The following ADGRG6 variants were observed in gnomAD, a reference collection of about 807,000 sequenced individuals.
The protein encoded by ADGRG6 is G-protein coupled receptor 126.
ADGRG6 carries 84 observed loss-of-function variants against 142.4 expected under a neutral mutation model. The observed-to-expected ratio is 0.59, with a 90% CI of 0.49 to 0.71. ADGRG6 has a LOEUF of 0.71. Among genes scored for constraint, ADGRG6 ranks in the 30% least tolerant of loss-of-function variants. The pLI, the probability that ADGRG6 is intolerant of heterozygous loss-of-function variation, is 0.00. For synonymous variants in ADGRG6, 521 were observed against 520.5 expected, an observed-to-expected ratio of 1.00 and a Z score of -0.01; for missense variants, 1,367 against 1,466.6, an observed-to-expected ratio of 0.93 and a Z score of 1.11.
chr6:142,371,492 T>TG (rs1040572387), intron 4 of ADGRG6, among the ~76,000 whole-genome samples: 4 of 148,424 alleles, frequency 2.7e-5, no homozygotes, highest in Admixed American at 6.7e-5. Flanking sequence ...TTGTTTTTTT[T>TG]TTTTTTTTTG....
At chr6:142,302,413 C>A (rs919988470) in intron 1 of ADGRG6, 82 bp downstream of exon 1, 3 of 1,410,716 alleles carry the variant, frequency 2.1e-6, no homozygotes, top group Non-Finnish European at 2.9e-6. Context: ...GACCACCCCA[C>A]CCTCAAGAGA....
chr6:142,368,952 G>T (rs1266259123), intron 3 of ADGRG6, among the ~76,000 whole-genome samples: 1 of 151,738 alleles, frequency 6.6e-6, no homozygotes, highest in Admixed American at 6.6e-5. Flanking sequence ...GTAGAATACT[G>T]GTTCATATTG....
At position 142,443,754 on chromosome 6, in the gene ADGRG6, G is replaced by A; in HGVS notation, c.*239G>A. ...GTAACATGACTCAGTAGCCACAGAAGCTATGATTTGTAAAATATATAATTG... is the reference window on the plus strand; with the variant it reads ...GTAACATGACTCAGTAGCCACAGAAACTATGATTTGTAAAATATATAATTG... On this transcript the variant is annotated 3_prime_UTR_variant, in exon 25 of 25. Coordinates refer to ENST00000367609, the MANE Select transcript of ADGRG6 (RefSeq NM_198569.3). The A allele has an allele frequency of 2.8e-6, 1 of 362,120 alleles. No homozygotes were observed. The allele number at this position is 362,120 out of a possible 1,614,324, so 22.4% of individuals were successfully genotyped here.
chr6:142,375,868 A>G (rs1781473176), intron 4 of ADGRG6, among the ~76,000 whole-genome samples: 1 of 152,128 alleles, frequency 6.6e-6, no homozygotes, highest in African/African-American at 2.4e-5. Flanking sequence ...TTTTTTTCAC[A>G]TATTAAACAT....
intron 2 of ADGRG6, among the ~76,000 whole-genome samples, chr6:142,336,802 C>G (rs1283104901): frequency 1.3e-5 from 2 of 152,158 alleles, no homozygotes; most frequent in African/African-American, 4.8e-5. Flanking sequence ...TGTGAGAGAT[C>G]TTATAAGTAC....
intron 1 of ADGRG6, among the ~76,000 whole-genome samples, chr6:142,304,878 A>C (rs1011453328): frequency 6.6e-6 from 1 of 152,168 alleles, no homozygotes; most frequent in Non-Finnish European, 1.5e-5. Flanking sequence ...GTGGTGCCAT[A>C]TAAAGGATAT....
chr6:142,425,090 C>A (rs1353293576), intron 22 of ADGRG6, among the ~76,000 whole-genome samples: 3 of 152,126 alleles, frequency 2.0e-5, no homozygotes, highest in African/African-American at 7.2e-5. Context: ...AGTGACAAAG[C>A]AGAGAGGCAC....
intron 2 of ADGRG6, among the ~76,000 whole-genome samples, chr6:142,342,539 AC>A (rs1447662316): frequency 6.6e-6 from 1 of 152,098 alleles, no homozygotes; most frequent in East Asian, 1.9e-4. Context: ...TTGATACTTT[AC>A]CGTCTAAATA....
chr6:142,436,635 A>G (rs1416353071), intron 22 of ADGRG6, among the ~76,000 whole-genome samples: 1 of 152,186 alleles, frequency 6.6e-6, no homozygotes, highest in Non-Finnish European at 1.5e-5. Context: ...GTTCTTAAAA[A>G]AAGTGTTTTA....
intron 18 of ADGRG6, among the ~76,000 whole-genome samples, chr6:142,414,019 C>T (rs1189989424): frequency 2.6e-5 from 4 of 151,532 alleles, no homozygotes; most frequent in Admixed American, 6.6e-5. Flanking sequence ...AAGGAAAAAT[C>T]ATAAACATTT....
rs377702047 is a variant in ADGRG6 at position 142,426,303 on chromosome 6, G to T, written c.3319+6199G>T. Among the ~76,000 whole-genome samples, 4 of 152,254 alleles carry T rather than the reference G, an allele frequency of 2.6e-5. No individual in the cohort carries two copies. In the East Asian group the frequency reaches 7.7e-4, roughly 29 times the overall value. On this transcript the variant is annotated intron_variant, in intron 22 of 24. Transcript: ENST00000367609. ...CAGGCATTGAGTAAATACTGCTGTTGCAATGGGAGAAATTGGCCAAAATAA... is the reference window on the plus strand; with the variant it reads ...CAGGCATTGAGTAAATACTGCTGTTTCAATGGGAGAAATTGGCCAAAATAA...
chr6:142,384,029 C>T (rs746694150), intron 6 of ADGRG6, among the ~76,000 whole-genome samples, 186 bp downstream of exon 6: 2 of 152,012 alleles, frequency 1.3e-5, no homozygotes, highest in Non-Finnish European at 2.9e-5. Flanking sequence ...ATTCTTATGA[C>T]GAGTGGAATG....
At position 142,402,724 on chromosome 6, in the gene ADGRG6, G is replaced by C; in HGVS notation, c.1849G>C (p.Val617Leu). The C allele has an allele frequency of 6.2e-7, 1 of 1,600,952 alleles. No individual in the cohort carries two copies. The highest frequency in any genetic ancestry group is 1.1e-5 in the South Asian group (1 of 90,796). The change falls in exon 13 of 25, where the codon GTG becomes CTG. Residue 617 changes from valine to leucine, a missense_variant. Physicochemically the swap from Val to Leu is conservative, Grantham distance 32. Transcript: ENST00000367609. ...TNIVEQVKRI[V>L]NKEENIDITL... ...CATTGTGGAACAGGTCAAAAGAATT[G>C]TGAATAAAGAAGAAAACATTGATAT...
intron 10 of ADGRG6, among the ~76,000 whole-genome samples, chr6:142,399,989 C>G (rs1775420038): frequency 1.3e-5 from 2 of 152,108 alleles, no homozygotes; most frequent in African/African-American, 2.4e-5. Context: ...CTGTGTCCCC[C>G]TTAGTTAGCT....
At chr6:142,354,313 G>A (rs1225719543) in intron 2 of ADGRG6, among the ~76,000 whole-genome samples, 1 of 152,126 alleles carries the variant, frequency 6.6e-6, no homozygotes, top group East Asian at 1.9e-4. Flanking sequence ...AACTTGGGAG[G>A]CGGAGGTTGC....
chr6:142,385,410 C>G (rs903026349), intron 6 of ADGRG6, among the ~76,000 whole-genome samples: 9 of 152,166 alleles, frequency 5.9e-5, no homozygotes, highest in Non-Finnish European at 1.2e-4. Context: ...GAAATATTCT[C>G]AAAATTGTGT....
intron 2 of ADGRG6, among the ~76,000 whole-genome samples, chr6:142,317,378 A>G (rs1778136954): frequency 6.6e-6 from 1 of 151,978 alleles, no homozygotes. Context: ...ATGTGTAGCA[A>G]ATGAATTGAA....
intron 2 of ADGRG6, among the ~76,000 whole-genome samples, chr6:142,365,759 A>G (rs1294395024): frequency 2.0e-5 from 3 of 152,212 alleles, no homozygotes; most frequent in Non-Finnish European, 4.4e-5. Context: ...AACATTGAGT[A>G]ATACAAGGTG....
At chr6:142,420,242 G>T (rs1337961431) in intron 22 of ADGRG6, 138 bp downstream of exon 22, 3 of 693,438 alleles carry the variant, frequency 4.3e-6, no homozygotes, top group Non-Finnish European at 7.4e-6. Context: ...GTGCAGTGTG[G>T]TCACTTGTTA....
Sources: gnomAD v4.1 joint callset for allele counts (sites outside exome capture counted in the v4.1 genomes callset) on GRCh38, gnomAD v4.1.1 for gene constraint, MANE v1.5 for transcripts, NCBI Gene and HGNC (gene_info 2026-07-23, HGNC 2026-07-21) for gene names.